DDX10: variants seen among roughly 807,000 people sequenced by gnomAD.
DDX10 encodes probable ATP-dependent RNA helicase DDX10.
DDX10 carries 74 observed loss-of-function variants against 104.3 expected under a neutral mutation model. The ratio of observed to expected loss-of-function variants is 0.71; its 90% CI spans 0.59 to 0.86. DDX10 has a LOEUF of 0.86. Among genes scored for constraint, DDX10 ranks in the 40% least tolerant of loss-of-function variants. The pLI is 0.00. For synonymous variants in DDX10, 351 were observed against 353.4 expected, an observed-to-expected ratio of 0.99 and a Z score of 0.08; for missense variants, 952 against 1,040.0, an observed-to-expected ratio of 0.92 and a Z score of 1.16.
At chr11:108,809,693 G>A (rs1460534376) in intron 13 of DDX10, among the ~76,000 whole-genome samples, 6 of 152,162 alleles carry the variant, frequency 3.9e-5, no homozygotes, top group African/African-American at 1.4e-4. Flanking sequence ...TGCCTTCATG[G>A]AACTCACATT....
At chr11:108,802,875 T>C (rs957054593) in intron 13 of DDX10, among the ~76,000 whole-genome samples, 19 of 152,212 alleles carry the variant, frequency 1.2e-4, no homozygotes, top group Non-Finnish European at 4.4e-5. Context: ...AATTTAATTA[T>C]ACCAATCCCC....
chr11:108,746,962 C>T lies in DDX10; in HGVS notation c.1965+23500C>T, dbSNP rs539595410. 7.2e-5 allele frequency among the ~76,000 whole-genome samples: 11 copies of T among 152,214 alleles called. No homozygotes were observed. The South Asian group carries it at 2.3e-3, about 32-fold the overall frequency. ...AAGACTTGAATCTTGAAGAAAAGAACTTAGCCAAGAATTGTAGTTATAAGG... is the reference window on the plus strand; with the variant it reads ...AAGACTTGAATCTTGAAGAAAAGAATTTAGCCAAGAATTGTAGTTATAAGG... On this transcript the variant is annotated intron_variant, in intron 13 of 17. Transcript: ENST00000322536.
chr11:108,881,369 T>C (rs1274502101), intron 16 of DDX10, among the ~76,000 whole-genome samples: 4 of 152,228 alleles, frequency 2.6e-5, no homozygotes, highest in Non-Finnish European at 4.4e-5. Context: ...GCAAGCCTGC[T>C]ATTTGAGGTA....
chr11:108,802,256 A>G (rs1403823378), intron 13 of DDX10, among the ~76,000 whole-genome samples: 2 of 152,164 alleles, frequency 1.3e-5, no homozygotes, highest in Non-Finnish European at 2.9e-5. Flanking sequence ...AAAATCTGAA[A>G]TCTGAAATGC....
chr11:108,723,524 C>T, intron 13 of DDX10, 62 bp downstream of exon 13: 1 of 1,475,624 alleles, frequency 6.8e-7, no homozygotes, highest in Non-Finnish European at 9.0e-7. Flanking sequence ...TTATTGTTGC[C>T]TTTTGGGGAC....
chr11:108,784,320 CT>C (rs1184711624), intron 13 of DDX10, among the ~76,000 whole-genome samples: 3 of 151,982 alleles, frequency 2.0e-5, no homozygotes, highest in Non-Finnish European at 4.4e-5. Context: ...ATTTTTTTGA[CT>C]TTTTTAGTAA....
intron 16 of DDX10, among the ~76,000 whole-genome samples, chr11:108,887,542 T>G (rs1863314755): frequency 6.6e-6 from 1 of 150,588 alleles, no homozygotes; most frequent in African/African-American, 2.4e-5. Context: ...TCTCTTGATG[T>G]AAGAATAAAC....
intron 16 of DDX10, among the ~76,000 whole-genome samples, chr11:108,880,005 T>A (rs965738554): frequency 6.6e-6 from 1 of 152,238 alleles, no homozygotes; most frequent in African/African-American, 2.4e-5. Context: ...AGACTAGTTT[T>A]GAATAACACT....
intron 13 of DDX10, among the ~76,000 whole-genome samples, chr11:108,797,335 A>T (rs1391287370): frequency 6.6e-6 from 1 of 152,158 alleles, no homozygotes; most frequent in South Asian, 2.1e-4. Context: ...CCCAGCCTAA[A>T]CTTTTGTTCT....
intron 17 of DDX10, chr11:108,921,319 C>T (rs1314125453): frequency 1.3e-5 from 2 of 152,184 alleles, no homozygotes; most frequent in African/African-American, 2.4e-5. Flanking sequence ...GTGGTAATTG[C>T]TGTTGCTGCT....
chr11:108,693,304 TCAAA>T (rs1565249105), intron 8 of DDX10, among the ~76,000 whole-genome samples: 1 of 152,246 alleles, frequency 6.6e-6, no homozygotes, highest in Non-Finnish European at 1.5e-5. Context: ...ATCTTCATAT[TCAAA>T]CAGTCATTAA....
chr11:108,720,879 C>T (rs2094297481), intron 12 of DDX10, among the ~76,000 whole-genome samples: 2 of 149,512 alleles, frequency 1.3e-5, no homozygotes, highest in Non-Finnish European at 3.0e-5. Context: ...AGGTGTGAGC[C>T]ACTGTGCCTG....
chr11:108,719,111 T>G (rs2094295210), intron 11 of DDX10, among the ~76,000 whole-genome samples: 1 of 151,112 alleles, frequency 6.6e-6, no homozygotes, highest in Non-Finnish European at 1.5e-5. Context: ...ATAGTTTTTT[T>G]TTTTTTTTTT....
intron 13 of DDX10, among the ~76,000 whole-genome samples, chr11:108,807,833 A>G (rs1456991926): frequency 6.6e-6 from 1 of 152,336 alleles, no homozygotes; most frequent in Non-Finnish European, 1.5e-5. Flanking sequence ...AAGGCTGGAA[A>G]TAGTACCTTC....
intron 16 of DDX10, among the ~76,000 whole-genome samples, chr11:108,907,653 A>G (rs1041731648): frequency 2.6e-5 from 4 of 152,130 alleles, no homozygotes; most frequent in African/African-American, 9.7e-5. Context: ...TCAATTGTAT[A>G]TATTAATGCT....
At chr11:108,756,433 T>C (rs1268558410) in intron 13 of DDX10, among the ~76,000 whole-genome samples, 2 of 152,018 alleles carry the variant, frequency 1.3e-5, no homozygotes, top group African/African-American at 4.8e-5. Context: ...ACTGAATAGA[T>C]CAGAGCTAAA....
chr11:108,892,052 T>C (rs1863383335), intron 16 of DDX10, among the ~76,000 whole-genome samples: 1 of 152,136 alleles, frequency 6.6e-6, no homozygotes, highest in Admixed American at 6.6e-5. Flanking sequence ...CTTTATGTAG[T>C]AGTCAGAACA....
intron 16 of DDX10, among the ~76,000 whole-genome samples, chr11:108,855,342 G>A (rs956700574): frequency 7.2e-5 from 11 of 152,104 alleles, no homozygotes; most frequent in African/African-American, 2.4e-4. Flanking sequence ...ATCCCTGGTC[G>A]CTGGAATGAT....
intron 13 of DDX10, among the ~76,000 whole-genome samples, chr11:108,728,433 A>T (rs1230249207): frequency 1.3e-5 from 2 of 152,082 alleles, no homozygotes; most frequent in Admixed American, 6.5e-5. Flanking sequence ...TAAAAATAAA[A>T]ATAACCTGTA....
Sources: allele counts gnomAD v4.1 joint callset (sites outside exome capture counted in the v4.1 genomes callset), GRCh38; gene constraint gnomAD v4.1.1; transcripts MANE v1.5; gene names NCBI Gene and HGNC (gene_info 2026-07-23, HGNC 2026-07-21).